Variants in PCDHGA12 observed in about 807,000 individuals in gnomAD.
PCDHGA12 encodes the protein protocadherin gamma subfamily A, 12.
A neutral mutation model predicts 61.1 loss-of-function variants in PCDHGA12; 43 were observed. That is an observed-to-expected ratio of 0.70 (90% CI 0.55 to 0.91). The LOEUF (loss-of-function observed/expected upper bound fraction) is 0.91. Among genes scored for constraint, PCDHGA12 ranks in the 40% least tolerant of loss-of-function variants. The pLI, the probability that PCDHGA12 is intolerant of heterozygous loss-of-function variation, is 0.00. For synonymous variants in PCDHGA12, 520 were observed against 542.9 expected (o/e 0.96, Z 0.59); for missense variants, 1,236 against 1,227.7 (o/e 1.01, Z -0.10).
At chr5:141,478,322 C>G (rs1360535508) in intron 1 of PCDHGA12, 28 of 1,613,976 alleles carry the variant, frequency 1.7e-5, no homozygotes, top group Non-Finnish European at 2.3e-5. Context: ...CTCACTGTAC[C>G]GAACACCAGG....
intron 1 of PCDHGA12, among the ~76,000 whole-genome samples, chr5:141,458,380 G>T (rs1592559992): frequency 6.6e-6 from 1 of 152,136 alleles, no homozygotes; most frequent in African/African-American, 2.4e-5. Flanking sequence ...AAGAGAGAAG[G>T]AAGACGCTCC....
chr5:141,497,495 T>C (rs193075970), intron 2 of PCDHGA12, among the ~76,000 whole-genome samples: 28 of 151,186 alleles, frequency 1.9e-4, no homozygotes, highest in Admixed American at 1.7e-3. Context: ...TCTCTCTCTC[T>C]CCTCTCTCTG....
chr5:141,478,856 T>G (rs1372487685), intron 1 of PCDHGA12: 2 of 1,353,224 alleles, frequency 1.5e-6, no homozygotes, highest in Non-Finnish European at 2.0e-6. Flanking sequence ...AAACACAAGA[T>G]CTCAGCGATC....
At chr5:141,434,337 C>T (rs939910421) in intron 1 of PCDHGA12, among the ~76,000 whole-genome samples, 13 of 152,230 alleles carry the variant, frequency 8.5e-5, no homozygotes, top group African/African-American at 2.4e-4. Context: ...CTCTTTGTGT[C>T]GGGAACAGGC....
rs377138746 is a variant in PCDHGA12, at chr5:141,432,481, C to A, written c.1722C>A (p.Gly574=). The part of the protein sequence containing the change: ...YPALPTDGST[G]VELAPRSAEP... Reference sequence around the variant, plus strand: ...CCCTCCCCACGGACGGTTCCACTGGCGTGGAGCTGGCTCCCCGCTCCGCAG... The same window carrying A: ...CCCTCCCCACGGACGGTTCCACTGGAGTGGAGCTGGCTCCCCGCTCCGCAG... The change falls in exon 1 of 4, where the codon GGC becomes GGA. Residue 574 remains glycine (G), a synonymous_variant. Transcript: ENST00000252085. This position sits in a 1 kb window ranked among gnomAD's most constrained non-coding sequence, Gnocchi z 6.0. 6.2e-7 allele frequency: 1 copy of A among 1,614,080 alleles called. No individual in the cohort carries two copies.
intron 2 of PCDHGA12, among the ~76,000 whole-genome samples, chr5:141,502,253 T>C (rs1331834149): frequency 6.6e-6 from 1 of 152,232 alleles, no homozygotes; most frequent in South Asian, 2.1e-4. Context: ...TTTTTTTTAA[T>C]CCAGGATTTT....
At position 141,485,437 on chromosome 5, in the gene PCDHGA12, C is replaced by A. The variant is rs2099613420; in HGVS notation, c.2425-9370C>A. The A allele has an allele frequency of 6.2e-7, 1 of 1,614,174 alleles. No individual in the cohort carries two copies. Among genetic ancestry groups the A allele is most frequent in the Non-Finnish European group, 8.5e-7 (1 of 1,180,028 alleles). On this transcript the variant is annotated intron_variant, in intron 1 of 3. Transcript: ENST00000252085. The surrounding 1 kb of genome is among the most constrained non-coding windows in gnomAD (Gnocchi z 5.7). ...ACAGCGGAGCCCTGCTCATCAAGAA[C>A]CCAATCGACCGAGAGGCACTGTGTG...
In PCDHGA12 at chr5:141,494,836, C is replaced by G. The variant is rs1016713543; in HGVS notation, c.2454C>G (p.Phe818Leu). ...CCCCGCCCAACACGGACTGGCGTTT[C>G]TCTCAGGCCCAGAGACCCGGCACCA... ...EQAPPNTDWR[F>L]SQAQRPGTSG... The change falls in exon 2 of 4, where the codon TTC (phenylalanine) becomes TTG (leucine). Residue 818 changes from phenylalanine (F) to leucine (L), a missense_variant. Phe to Leu is a conservative substitution (Grantham distance 22, BLOSUM62 0). Coordinates refer to ENST00000252085, the MANE Select transcript of PCDHGA12 (RefSeq NM_003735.3). 1.9e-6 allele frequency: 3 copies of G among 1,614,054 alleles called. No individual in the cohort carries two copies. The highest frequency in any genetic ancestry group is 2.7e-5 in the African/African-American group (2 of 74,932).
chr5:141,509,765 T>G (rs1312823974), intron 3 of PCDHGA12, among the ~76,000 whole-genome samples: 2 of 152,120 alleles, frequency 1.3e-5, no homozygotes, highest in Non-Finnish European at 1.5e-5. Flanking sequence ...GTCCCTGAGA[T>G]GTCTAGTCCC....
chr5:141,475,938 G>T (rs756781296), intron 1 of PCDHGA12: 22 of 682,776 alleles, frequency 3.2e-5, no homozygotes, highest in African/African-American at 7.2e-5. Flanking sequence ...GCCCCTGCCC[G>T]TCCCCTTTCT....
intron 1 of PCDHGA12, among the ~76,000 whole-genome samples, chr5:141,444,933 G>A (rs1004890599): frequency 3.3e-5 from 5 of 152,152 alleles, no homozygotes; most frequent in African/African-American, 1.2e-4. Context: ...AAAGAGGGAA[G>A]GAGGGAGGAG....
intron 1 of PCDHGA12, among the ~76,000 whole-genome samples, chr5:141,461,231 T>C (rs1042368465): frequency 6.6e-5 from 10 of 152,068 alleles, no homozygotes; most frequent in African/African-American, 2.4e-4. Context: ...TCCATAGAGG[T>C]TGTACTAATT....
chr5:141,477,482 C>G lies in PCDHGA12; in HGVS notation c.2425-17325C>G, dbSNP rs1168724444. On this transcript the variant is annotated intron_variant, in intron 1 of 3. Transcript: ENST00000252085. This position sits in a 1 kb window ranked among gnomAD's most constrained non-coding sequence, Gnocchi z 4.9. ...GTCCGACATCAATGACAACCCTCCA[C>G]AATCTTCTCAATCTTCCTACGACGT... 1 of 1,614,118 alleles carries G rather than the reference C, an allele frequency of 6.2e-7. No individual in the cohort carries two copies. The highest frequency in any genetic ancestry group is 1.1e-5 in the South Asian group (1 of 91,074).
chr5:141,501,971 G>A (rs2099812098), intron 2 of PCDHGA12, among the ~76,000 whole-genome samples: 1 of 151,956 alleles, frequency 6.6e-6, no homozygotes. Context: ...CCTAACCTCT[G>A]GCATCTGGTC....
chr5:141,487,695 C>T lies in PCDHGA12; in HGVS notation c.2425-7112C>T, dbSNP rs1345224043. The stretch of plus-strand genomic sequence containing the variant: ...TGGCTAGGCCATGTCCTAGAGAGTA[C>T]TGGCCTCTCAGTAAGTGCCCATAGT... On this transcript the variant is annotated intron_variant, in intron 1 of 3. Coordinates refer to ENST00000252085, the MANE Select transcript of PCDHGA12 (RefSeq NM_003735.3). The surrounding 1 kb of genome is among the most constrained non-coding windows in gnomAD (Gnocchi z 5.0). 2 of 1,601,306 alleles carry T rather than the reference C, an allele frequency of 1.2e-6. No individual in the cohort carries two copies. Among genetic ancestry groups the T allele is most frequent in the East Asian group, 2.2e-5 (1 of 44,606 alleles).
chr5:141,441,993 G>T (rs577673608), intron 1 of PCDHGA12: 16 of 251,180 alleles, frequency 6.4e-5, no homozygotes, highest in East Asian at 3.9e-4. Flanking sequence ...CACCGACGAG[G>T]TGCTGACAGC....
chr5:141,433,651 C>T (rs905489069), intron 1 of PCDHGA12, among the ~76,000 whole-genome samples: 3 of 152,064 alleles, frequency 2.0e-5, no homozygotes, highest in Non-Finnish European at 2.9e-5. Context: ...GCCTGACCAA[C>T]ATGGAGAAAC....
chr5:141,490,775 A>G lies in PCDHGA12; in HGVS notation c.2425-4032A>G. 6 of 1,614,110 alleles carry G rather than the reference A, an allele frequency of 3.7e-6. No homozygotes were observed. Among genetic ancestry groups the G allele is most frequent in the Non-Finnish European group, 5.1e-6 (6 of 1,179,964 alleles). On this transcript the variant is annotated intron_variant, in intron 1 of 3. Transcript: ENST00000252085. The surrounding 1 kb of genome is among the most constrained non-coding windows in gnomAD (Gnocchi z 5.4). ...TCCTCCTTTGTGTATGTCAACCCAG[A>G]GGATGGACGGATCTTTGCCCAGCGT...
intron 1 of PCDHGA12, among the ~76,000 whole-genome samples, chr5:141,445,793 CAG>C (rs1466260011): frequency 6.6e-6 from 1 of 152,132 alleles, no homozygotes; most frequent in Admixed American, 6.5e-5. Context: ...AGGCTAGAAA[CAG>C]AAAATAAATA....
Sources: gnomAD v4.1 joint callset for allele counts (sites outside exome capture counted in the v4.1 genomes callset) on GRCh38, gnomAD v4.1.1 for gene constraint, Gnocchi (gnomAD v3.1) non-coding constraint, MANE v1.5 for transcripts, NCBI Gene and HGNC (gene_info 2026-07-23, HGNC 2026-07-21) for gene names.